The following ZC3H12C variants were observed in gnomAD, a reference collection of about 807,000 sequenced individuals.
ZC3H12C encodes probable ribonuclease ZC3H12C.
ZC3H12C carries 20 observed loss-of-function variants against 76.3 expected under a neutral mutation model. That is an observed-to-expected ratio of 0.26 (90% CI 0.18 to 0.38). The LOEUF is 0.38. Among genes scored for constraint, ZC3H12C ranks in the 10% least tolerant of loss-of-function variants. The probability of loss-of-function intolerance (pLI) is 1.00; values close to 1 mark genes in which losing one functional copy is unlikely to be tolerated. For missense variants in ZC3H12C, 874 were observed against 1,086.5 expected (o/e 0.80, Z 2.75); for synonymous variants, 352 against 399.6 (o/e 0.88, Z 1.42).
intron 1 of ZC3H12C, chr11:110,124,079 TG>T (rs1861696461): frequency 6.6e-6 from 1 of 152,060 alleles, no homozygotes; most frequent in African/African-American, 2.4e-5. Context: ...GATCCTCAAG[TG>T]GGGAGGCAGA....
At chr11:110,140,264 T>C (rs1398112360) in intron 2 of ZC3H12C, among the ~76,000 whole-genome samples, 1 of 152,196 alleles carries the variant, frequency 6.6e-6, no homozygotes, top group Non-Finnish European at 1.5e-5. Flanking sequence ...CACTCCAGCC[T>C]GGGCAACAGA....
At chr11:110,158,249 C>T (rs911136070) in intron 3 of ZC3H12C, among the ~76,000 whole-genome samples, 13 of 152,146 alleles carry the variant, frequency 8.5e-5, no homozygotes, top group Non-Finnish European at 1.5e-4. Context: ...GTGGCTCACT[C>T]CTGTAATCCC....
chr11:110,157,423 G>T (rs1245375090), intron 3 of ZC3H12C, among the ~76,000 whole-genome samples: 1 of 149,980 alleles, frequency 6.7e-6, no homozygotes, highest in Non-Finnish European at 1.5e-5. Context: ...TCATAGAAAG[G>T]TCTGGTCTTT....
chr11:110,124,350 ATTTT>A (rs5794666), intron 1 of ZC3H12C: 1 of 149,698 alleles, frequency 6.7e-6, no homozygotes, highest in East Asian at 2.0e-4. Context: ...GCAGGGGTCT[ATTTT>A]TTTTTTATTG....
intron 1 of ZC3H12C, among the ~76,000 whole-genome samples, chr11:110,111,168 G>A (rs1861420754): frequency 1.3e-5 from 2 of 152,176 alleles, no homozygotes. Flanking sequence ...ACCAGGTGCT[G>A]AGTCTTGGGC....
chr11:110,125,385 GA>G (rs1396105087), intron 1 of ZC3H12C, among the ~76,000 whole-genome samples: 1 of 151,740 alleles, frequency 6.6e-6, no homozygotes, highest in East Asian at 1.9e-4. Flanking sequence ...GCAGTGGTGT[GA>G]TCTTGGCTCC....
chr11:110,165,626 C>T lies in ZC3H12C; in HGVS notation c.2541C>T (p.Asn847=). 3.1e-6 allele frequency: 5 copies of T among 1,599,964 alleles called. No individual in the cohort carries two copies. Among genetic ancestry groups the T allele is most frequent in the Non-Finnish European group, 3.4e-6 (4 of 1,172,968 alleles). The change falls in exon 6 of 6, where the codon AAC becomes AAT. Residue 847 remains asparagine (N), a synonymous_variant. Coordinates refer to ENST00000278590, the MANE Select transcript of ZC3H12C (RefSeq NM_033390.2). ...NREKIYINLC[N]IFPPDLVRIV... is the part of the protein sequence containing the mutation. The stretch of plus-strand genomic sequence containing the variant: ...AAAAGATTTATATCAATTTGTGCAA[C>T]ATCTTCCCCCCTGACCTTGTGAGAA...
intron 1 of ZC3H12C, among the ~76,000 whole-genome samples, chr11:110,124,899 G>A (rs1369077332): frequency 6.6e-6 from 1 of 151,896 alleles, no homozygotes; most frequent in Non-Finnish European, 1.5e-5. Flanking sequence ...CAAGGAAGGA[G>A]ATAAATTAAG....
chr11:110,097,030 T>G (rs1228158124), intron 1 of ZC3H12C, among the ~76,000 whole-genome samples: 1 of 152,246 alleles, frequency 6.6e-6, no homozygotes, highest in East Asian at 1.9e-4. Context: ...AAATGTAATG[T>G]GCTTACTGTG....
intron 3 of ZC3H12C, among the ~76,000 whole-genome samples, chr11:110,157,187 A>AC (rs1356254620): frequency 6.6e-6 from 1 of 151,904 alleles, no homozygotes; most frequent in Non-Finnish European, 1.5e-5. Flanking sequence ...TCAAAAAAAA[A>AC]AAAAAACAGA....
intron 1 of ZC3H12C, among the ~76,000 whole-genome samples, chr11:110,129,435 G>A (rs1861819640): frequency 6.6e-6 from 1 of 152,100 alleles, no homozygotes; most frequent in Admixed American, 6.6e-5. Context: ...TTGCATTTGA[G>A]TAGGCACAAT....
At chr11:110,141,101 C>A (rs560621491) in intron 2 of ZC3H12C, among the ~76,000 whole-genome samples, 105 of 152,114 alleles carry the variant, frequency 6.9e-4, no homozygotes, top group African/African-American at 2.5e-3. Context: ...TACTCAGCCC[C>A]GCAAAGAGTC....
Position 110,125,248 on chromosome 11 carries a change from G to A in ZC3H12C, c.22-11415G>A, listed in dbSNP as rs1861718277. On this transcript the variant is annotated intron_variant, in intron 1 of 5. Coordinates refer to ENST00000278590, the MANE Select transcript of ZC3H12C (RefSeq NM_033390.2). ...TAAGTCATTTGGATGGATTTTATGG[G>A]AACCATATAGGATCTCTCACTAGTG... Among the ~76,000 whole-genome samples, 3 of 149,688 alleles carry A rather than the reference G, an allele frequency of 2.0e-5. No individual in the cohort carries two copies. In the South Asian group the frequency reaches 6.4e-4, roughly 32 times the overall value.
chr11:110,097,990 GTTATT>G (rs1861143823), intron 1 of ZC3H12C, among the ~76,000 whole-genome samples: 1 of 152,088 alleles, frequency 6.6e-6, no homozygotes, highest in Admixed American at 6.6e-5. Context: ...ACTTTTTATT[GTTATT>G]TTAGAGTGTA....
chr11:110,133,070 A>G (rs1295088142), intron 1 of ZC3H12C, among the ~76,000 whole-genome samples: 1 of 152,144 alleles, frequency 6.6e-6, no homozygotes, highest in Non-Finnish European at 1.5e-5. Context: ...CAGCCTATTT[A>G]AATACCTTGT....
intron 1 of ZC3H12C, among the ~76,000 whole-genome samples, chr11:110,121,002 T>C (rs1861642212): frequency 6.6e-6 from 1 of 152,228 alleles, no homozygotes; most frequent in African/African-American, 2.4e-5. Context: ...TCAATTTCCG[T>C]AACCTTGGCT....
chr11:110,137,779 TTCTTTAGGAAGTTA>T (rs1384506415), intron 2 of ZC3H12C, among the ~76,000 whole-genome samples: 2 of 152,214 alleles, frequency 1.3e-5, no homozygotes, highest in Admixed American at 6.5e-5. Context: ...AATGGTCTAT[TTCTTTAGGAAGTTA>T]AATAACCCTA....
intron 1 of ZC3H12C, among the ~76,000 whole-genome samples, chr11:110,130,089 G>A (rs574942166): frequency 8.5e-5 from 13 of 152,220 alleles, no homozygotes; most frequent in African/African-American, 2.9e-4. Flanking sequence ...AAACAGTTAT[G>A]TTGTATATTA....
At chr11:110,105,619 AG>A (rs1861308229) in intron 1 of ZC3H12C, among the ~76,000 whole-genome samples, 1 of 152,186 alleles carries the variant, frequency 6.6e-6, no homozygotes, top group Non-Finnish European at 1.5e-5. Flanking sequence ...ATTCTTACCT[AG>A]AGATGACTTA....
Sources: allele counts gnomAD v4.1 joint callset (sites outside exome capture counted in the v4.1 genomes callset), GRCh38; gene constraint gnomAD v4.1.1; transcripts MANE v1.5; gene names NCBI Gene and HGNC (gene_info 2026-07-23, HGNC 2026-07-21).